Variants in NFIA observed in about 807,000 individuals in gnomAD.
NFIA encodes the protein nuclear factor 1 A-type.
A neutral mutation model predicts 62.8 loss-of-function variants in NFIA; 8 were observed. That is an observed-to-expected ratio of 0.13 (90% confidence interval 0.07 to 0.23). The LOEUF (loss-of-function observed/expected upper bound fraction) is 0.23. Among genes scored for constraint, NFIA ranks in the 10% least tolerant of loss-of-function variants. The pLI, the probability that NFIA is intolerant of heterozygous loss-of-function variation, is 1.00. For synonymous variants in NFIA, 235 were observed against 238.1 expected, an observed-to-expected ratio of 0.99 and a Z score of 0.12; for missense variants, 410 against 642.1, an observed-to-expected ratio of 0.64 and a Z score of 3.91.
At chr1:61,230,718 A>G (rs1427854729) in intron 2 of NFIA, among the ~76,000 whole-genome samples, 1 of 152,098 alleles carries the variant, frequency 6.6e-6, no homozygotes, top group Non-Finnish European at 1.5e-5. Context: ...CCTCACCCGC[A>G]TCCCGTTTTT....
chr1:61,104,372 G>A (rs1646560245), intron 2 of NFIA, among the ~76,000 whole-genome samples: 1 of 152,054 alleles, frequency 6.6e-6, no homozygotes, highest in South Asian at 2.1e-4. Flanking sequence ...GGCACAGGAA[G>A]TAAAAGAAAA....
At chr1:61,401,733 C>T (rs1161075387) in intron 7 of NFIA, among the ~76,000 whole-genome samples, 4 of 152,286 alleles carry the variant, frequency 2.6e-5, no homozygotes, top group East Asian at 3.9e-4. Context: ...TTGAGTGTTT[C>T]GTTTTGTTAG....
intron 3 of NFIA, among the ~76,000 whole-genome samples, chr1:61,298,059 C>G (rs1659285386): frequency 6.6e-6 from 1 of 152,140 alleles, no homozygotes; most frequent in Non-Finnish European, 1.5e-5. Flanking sequence ...CCACCCAAAT[C>G]TCATCTCGAA....
intron 6 of NFIA, among the ~76,000 whole-genome samples, chr1:61,362,324 G>T (rs1663341390): frequency 6.6e-6 from 1 of 152,268 alleles, no homozygotes; most frequent in Admixed American, 6.5e-5. Context: ...GAATGCACCA[G>T]CAGCCTCTTG....
At chr1:61,416,979 A>G (rs530933711) in intron 9 of NFIA, among the ~76,000 whole-genome samples, 1 of 152,174 alleles carries the variant, frequency 6.6e-6, no homozygotes, top group Non-Finnish European at 1.5e-5. Context: ...GATGAAAAAC[A>G]TGGAAACCAA....
chr1:61,144,852 A>T (rs1647810280), intron 2 of NFIA, among the ~76,000 whole-genome samples: 1 of 152,176 alleles, frequency 6.6e-6, no homozygotes, highest in South Asian at 2.1e-4. Flanking sequence ...GTCTGCAGCT[A>T]CTTAATTCCA....
chr1:61,203,058 A>G (rs2100592238), intron 2 of NFIA, among the ~76,000 whole-genome samples: 1 of 152,362 alleles, frequency 6.6e-6, no homozygotes, highest in South Asian at 2.1e-4. Context: ...TACACAATAT[A>G]GCGATTTCCT....
At chr1:61,165,065 G>A (rs1055939001) in intron 2 of NFIA, among the ~76,000 whole-genome samples, 1 of 152,184 alleles carries the variant, frequency 6.6e-6, no homozygotes, top group Non-Finnish European at 1.5e-5. Flanking sequence ...TGTGCAAACT[G>A]TTGAGGGAAC....
At chr1:61,096,409 G>T (rs1448803178) in intron 2 of NFIA, among the ~76,000 whole-genome samples, 3 of 151,910 alleles carry the variant, frequency 2.0e-5, no homozygotes, top group Non-Finnish European at 2.9e-5. Context: ...TCTCCATGTT[G>T]GTCAGGCTGG....
Position 61,082,698 on chromosome 1 carries a change from T to TCTCTC in NFIA, c.-93_-92insTCTCC. 1 of 1,494,624 alleles carries TCTCTC rather than the reference T, an allele frequency of 6.7e-7. No individual in the cohort carries two copies. Among genetic ancestry groups the TCTCTC allele is most frequent in the Non-Finnish European group, 9.0e-7 (1 of 1,105,192 alleles). 92.6% of individuals were successfully genotyped at this position (1,494,624 alleles called of 1,614,324 possible). A position where few individuals can be genotyped will look rare whatever the true frequency, so the allele number is the denominator to read the frequency against. ...TCTCTCTCTCTCTCTCTCTCTCTCT[T>TCTCTC]CCTCTCTCCCTCTTTCTCCTCTCTC... On this transcript the variant is annotated 5_prime_UTR_variant, in exon 1 of 11. Transcript: ENST00000403491.
At chr1:61,362,969 C>T (rs1005756606) in intron 6 of NFIA, among the ~76,000 whole-genome samples, 1 of 152,164 alleles carries the variant, frequency 6.6e-6, no homozygotes, top group Non-Finnish European at 1.5e-5. Flanking sequence ...CAATACACAG[C>T]GCCCACATTG....
At chr1:61,399,772 G>T (rs1030714396) in intron 7 of NFIA, among the ~76,000 whole-genome samples, 1 of 152,162 alleles carries the variant, frequency 6.6e-6, no homozygotes, top group Non-Finnish European at 1.5e-5. Context: ...CCCACGCTTA[G>T]ATTTTCTAAC....
intron 2 of NFIA, among the ~76,000 whole-genome samples, chr1:61,213,247 G>T (rs1053757734): frequency 6.6e-6 from 1 of 152,202 alleles, no homozygotes; most frequent in African/African-American, 2.4e-5. Flanking sequence ...AGAAGTTCCT[G>T]GTGGGCAGTT....
intron 2 of NFIA, among the ~76,000 whole-genome samples, chr1:61,234,367 C>CA (rs34304036): frequency 0.056 from 4,079 of 73,244 alleles, 108 homozygotes; most frequent in Non-Finnish European, 0.081. Flanking sequence ...AACGCCATCT[C>CA]AAAAAAAAAA....
chr1:61,448,835 A>G (rs1667939939), intron 10 of NFIA, among the ~76,000 whole-genome samples: 1 of 152,200 alleles, frequency 6.6e-6, no homozygotes, highest in Non-Finnish European at 1.5e-5. Context: ...AGAAAAATGT[A>G]CTTGGTGGTA....
At chr1:61,413,650 G>A (rs1244354311) in intron 9 of NFIA, among the ~76,000 whole-genome samples, 2 of 98,238 alleles carry the variant, frequency 2.0e-5, no homozygotes, top group Non-Finnish European at 3.7e-5. Flanking sequence ...TTTTTGAGAT[G>A]GTGTCTCGCT....
At chr1:61,393,214 G>A (rs981099358) in intron 7 of NFIA, among the ~76,000 whole-genome samples, 1 of 42,566 alleles carries the variant, frequency 2.3e-5, no homozygotes, top group African/African-American at 2.2e-4. Context: ...TCCTCTTTAT[G>A]TGGAATGGTT....
intron 2 of NFIA, among the ~76,000 whole-genome samples, chr1:61,248,111 A>G (rs1324584106): frequency 6.6e-6 from 1 of 152,164 alleles, no homozygotes; most frequent in African/African-American, 2.4e-5. Flanking sequence ...TATGTCAGCT[A>G]CTGAACTAGG....
chr1:61,240,884 G>T (rs1273521655), intron 2 of NFIA, among the ~76,000 whole-genome samples: 1 of 151,648 alleles, frequency 6.6e-6, no homozygotes. Context: ...GAGTGAAGTT[G>T]AATATGACCA....
Sources: allele counts gnomAD v4.1 joint callset (sites outside exome capture counted in the v4.1 genomes callset), GRCh38; gene constraint gnomAD v4.1.1; transcripts MANE v1.5; gene names NCBI Gene and HGNC (gene_info 2026-07-23, HGNC 2026-07-21).